Variants in POLR3E observed in about 807,000 individuals in gnomAD.
POLR3E encodes the protein RNA polymerase III subunit E.
In POLR3E, 41 loss-of-function variants were observed where a neutral mutation model predicts 96.6. That is an observed-to-expected ratio of 0.42 (90% confidence interval 0.33 to 0.55). The LOEUF (loss-of-function observed/expected upper bound fraction) is 0.55. Ranked by LOEUF, POLR3E falls within the 20% of genes least tolerant of loss-of-function variation. POLR3E has a pLI of 0.06. For synonymous variants in POLR3E, 396 were observed against 383.6 expected (o/e 1.03, Z -0.38); for missense variants, 849 against 952.1 (o/e 0.89, Z 1.43).
intron 20 of POLR3E, 45 bp downstream of exon 20, chr16:22,332,230 A>AG (rs754610038): frequency 7.6e-6 from 12 of 1,580,492 alleles, no homozygotes; most frequent in Non-Finnish European, 1.0e-5. Flanking sequence ...AGGCTCTGGA[A>AG]GGGGCTGACA....
In POLR3E at chr16:22,317,030, A is replaced by G; in HGVS notation, c.764A>G (p.Glu255Gly). The change falls in exon 11 of 21, where the codon GAG becomes GGG. Residue 255 changes from glutamate (E) to glycine (G), a missense_variant. Glu to Gly is a moderately conservative substitution (Grantham distance 98). Transcript: ENST00000299853. Reference sequence around the variant, plus strand: ...ATGATGCTGATGCCACCCAGCCAGGAGGAGGAGAAGTGAGTAGAGGCGGCA... The same window carrying G: ...ATGATGCTGATGCCACCCAGCCAGGGGGAGGAGAAGTGAGTAGAGGCGGCA... ...YLMMLMPPSQEEEKDKPVAPS... is the reference protein window; with the variant it reads ...YLMMLMPPSQGEEKDKPVAPS... 6.2e-7 allele frequency: 1 copy of G among 1,614,118 alleles called. No homozygotes were observed. Among genetic ancestry groups the G allele is most frequent in the Non-Finnish European group, 8.5e-7 (1 of 1,179,992 alleles).
chr16:22,330,042 T>TA (rs1215639669), intron 19 of POLR3E, among the ~76,000 whole-genome samples: 4 of 151,368 alleles, frequency 2.6e-5, no homozygotes, highest in African/African-American at 9.7e-5. Context: ...ACTGTAGAGA[T>TA]AGATATGTTA....
intron 1 of POLR3E, chr16:22,298,836 A>C: frequency 2.7e-6 from 1 of 374,662 alleles, no homozygotes; most frequent in South Asian, 2.0e-5. Flanking sequence ...TTGAGTGTCA[A>C]CTTCGTGCCA....
At position 22,309,445 on chromosome 16, in the gene POLR3E, A is replaced by G. The variant is rs374559993; in HGVS notation, c.299A>G (p.Gln100Arg). The G allele has an allele frequency of 2.2e-5, 36 of 1,613,558 alleles. No individual in the cohort carries two copies. Among genetic ancestry groups the G allele is most frequent in the Non-Finnish European group, 3.1e-5 (36 of 1,179,758 alleles). Residue 100 changes from glutamine to arginine, a missense_variant, in exon 6 of 21, where the codon CAG becomes CGG. By Grantham distance (43) the Gln-to-Arg change is conservative. Transcript: ENST00000299853. The part of the protein sequence containing the change: ...STYSSKLMDK[Q>R]TFCSSQTTSN... Reference sequence around the variant, plus strand: ...TGCTCCAGGAAGCTGATGGACAAGCAGACCTTCTGCTCTTCCCAGACCACC... The same window carrying G: ...TGCTCCAGGAAGCTGATGGACAAGCGGACCTTCTGCTCTTCCCAGACCACC...
In POLR3E at chr16:22,306,279, G is replaced by C. The variant is rs568103401; in HGVS notation, c.87+1073G>C. ...TCTTTTTTTTGTTTGTTTGTTTTGA[G>C]ACACAGTCTTGCTCTGTTGCCCAGG... On this transcript the variant is annotated intron_variant, in intron 3 of 20. Coordinates refer to ENST00000299853, the MANE Select transcript of POLR3E (RefSeq NM_018119.4). Among the ~76,000 whole-genome samples, 110 of 152,206 alleles carry C rather than the reference G, an allele frequency of 7.2e-4. 1 individual carries two copies. The highest frequency in any genetic ancestry group is 2.5e-3 in the African/African-American group (104 of 41,516).
At chr16:22,329,092 A>G (rs868234404) in intron 19 of POLR3E, 1 of 143,380 alleles carries the variant, frequency 7.0e-6, no homozygotes, top group African/African-American at 2.5e-5. Context: ...TCTCAGAAAG[A>G]AAAAAAAAAA....
At chr16:22,330,162 C>G (rs1030464516) in intron 19 of POLR3E, among the ~76,000 whole-genome samples, 1 of 151,790 alleles carries the variant, frequency 6.6e-6, no homozygotes, top group East Asian at 1.9e-4. Context: ...CTCTTGCGTT[C>G]AAGCGATTCT....
intron 16 of POLR3E, among the ~76,000 whole-genome samples, chr16:22,324,886 GAC>G (rs919348799): frequency 2.0e-5 from 3 of 152,150 alleles, no homozygotes; most frequent in Admixed American, 2.0e-4. Flanking sequence ...TTCAGCACAG[GAC>G]ACACAGCCAG....
intron 17 of POLR3E, 35 bp from the exon 18 acceptor site, chr16:22,325,726 T>G: frequency 6.6e-7 from 1 of 1,514,206 alleles, no homozygotes; most frequent in Non-Finnish European, 8.8e-7. Context: ...CAGATCCCTG[T>G]GCCCTCCTGA....
Position 22,314,227 on chromosome 16 carries a change from CAG to C in POLR3E, c.522+100_522+101del, listed in dbSNP as rs1038860173. 1.8e-5 allele frequency: 17 copies of C among 924,570 alleles called. No homozygotes were observed. The African/African-American group carries it at 2.3e-4, about 12-fold the overall frequency. 57.3% of individuals were successfully genotyped at this position (924,570 alleles called of 1,614,324 possible). The stretch of plus-strand genomic sequence containing the variant: ...CTTCACAGAATGCAGGTGGAGCAGA[CAG>C]GGCCCATGCTTTTGAGCCTTCTTGC... On this transcript the variant is annotated intron_variant, in intron 8 of 20. Transcript: ENST00000299853.
rs1214350782 is a variant in POLR3E at position 22,313,587 on chromosome 16, A to G, written c.365-33A>G. 3 of 1,476,402 alleles carry G rather than the reference A, an allele frequency of 2.0e-6. No homozygotes were observed. The highest frequency in any genetic ancestry group is 2.8e-5 in the African/African-American group (2 of 72,080). 91.5% of individuals were successfully genotyped at this position (1,476,402 alleles called of 1,614,324 possible). ...CTTGAGCCAAACTGGGTGGGTTTCT[A>G]GAGTTGAGTCCAAGCCCTTCTTCCT... On this transcript the variant is annotated intron_variant, in intron 6 of 20. Coordinates refer to ENST00000299853, the MANE Select transcript of POLR3E (RefSeq NM_018119.4). The surrounding 1 kb of genome is among the most constrained non-coding windows in gnomAD (Gnocchi z 4.1).
chr16:22,308,510 TG>T, intron 4 of POLR3E: 2 of 500,160 alleles, frequency 4.0e-6, no homozygotes, highest in South Asian at 4.4e-5. Context: ...GTAGGTTTGA[TG>T]GGAAGAGAAT....
intron 19 of POLR3E, among the ~76,000 whole-genome samples, chr16:22,330,486 G>T (rs2048713920): frequency 6.6e-6 from 1 of 152,204 alleles, no homozygotes; most frequent in African/African-American, 2.4e-5. Flanking sequence ...TACTATGATT[G>T]CATTTCCTTG....
chr16:22,332,142 G>T lies in POLR3E; in HGVS notation c.2027G>T (p.Cys676Phe). The T allele has an allele frequency of 1.2e-6, 2 of 1,613,642 alleles. No individual in the cohort carries two copies. Among genetic ancestry groups the T allele is most frequent in the Non-Finnish European group, 1.7e-6 (2 of 1,179,552 alleles). Residue 676 changes from cysteine to phenylalanine, a missense_variant, in exon 20 of 21, where the codon TGT becomes TTT. By Grantham distance (205) the Cys-to-Phe change is radical. Transcript: ENST00000299853. ...NMIQSRLTQE[C>F]GEDLSKQEVD... ...ATCCAGTCTCGGTTGACTCAAGAGTGTGGAGAAGATCTCAGTAAACAGGAG... is the reference window on the plus strand; with the variant it reads ...ATCCAGTCTCGGTTGACTCAAGAGTTTGGAGAAGATCTCAGTAAACAGGAG...
At chr16:22,332,303 CCAGT>C in intron 20 of POLR3E, 118 bp downstream of exon 20, 2 of 870,968 alleles carry the variant, frequency 2.3e-6, no homozygotes, top group East Asian at 2.6e-5. Context: ...GGACCACTCC[CCAGT>C]CAGTCTTGTC....
At chr16:22,321,995 G>A (rs549433509) in intron 13 of POLR3E, among the ~76,000 whole-genome samples, 3 of 152,202 alleles carry the variant, frequency 2.0e-5, no homozygotes, top group South Asian at 4.1e-4. Context: ...TGGGGATGGC[G>A]GCTGTTACAT....
In POLR3E at chr16:22,325,246, A is replaced by G. The variant is rs902375642; in HGVS notation, c.1328A>G (p.Lys443Arg). The change falls in exon 17 of 21, where the codon AAG (lysine) becomes AGG (arginine). Residue 443 changes from lysine (K) to arginine (R), a missense_variant. By Grantham distance (26) the Lys-to-Arg change is conservative (BLOSUM62 2). Coordinates refer to ENST00000299853, the MANE Select transcript of POLR3E (RefSeq NM_018119.4). ...VYNLVKETMPKKPDAQSGPAG... is the reference protein window; with the variant it reads ...VYNLVKETMPRKPDAQSGPAG... ...AATCTTGTAAAGGAAACCATGCCAA[A>G]GAAGCCGGATGCACAATCAGGTGTG... 15 of 1,613,808 alleles carry G rather than the reference A, an allele frequency of 9.3e-6. No homozygotes were observed. In the South Asian group the frequency reaches 1.5e-4, roughly 17 times the overall value.
chr16:22,299,159 G>A (rs1230859551), intron 1 of POLR3E: 2 of 403,614 alleles, frequency 5.0e-6, no homozygotes, highest in South Asian at 1.7e-5. Context: ...TCCTGCAGGC[G>A]GTGATGATAT....
intron 13 of POLR3E, among the ~76,000 whole-genome samples, chr16:22,320,546 C>G (rs1377898819): frequency 1.3e-5 from 2 of 152,208 alleles, no homozygotes; most frequent in Non-Finnish European, 2.9e-5. Context: ...CAGGCGTGAG[C>G]TACCGTGCCC....
Sources: allele counts gnomAD v4.1 joint callset (sites outside exome capture counted in the v4.1 genomes callset), GRCh38; gene constraint gnomAD v4.1.1; non-coding constraint Gnocchi (gnomAD v3.1); transcripts MANE v1.5; gene names NCBI Gene and HGNC (gene_info 2026-07-23, HGNC 2026-07-21).